The following DSP variants were observed in gnomAD, a reference collection of about 807,000 sequenced individuals.
DSP encodes 250/210 kDa paraneoplastic pemphigus antigen.
A neutral mutation model predicts 290.6 loss-of-function variants in DSP; 114 were observed. That is an observed-to-expected ratio of 0.39 (90% confidence interval 0.34 to 0.46). The LOEUF (loss-of-function observed/expected upper bound fraction) is 0.46, where lower values mean the gene tolerates loss of function less well. Ranked by LOEUF, DSP falls within the 20% of genes least tolerant of loss-of-function variation. The pLI is 0.99. For synonymous variants in DSP, 1,311 were observed against 1,316.4 expected, an observed-to-expected ratio of 1.00 and a Z score of 0.09; for missense variants, 3,230 against 3,495.8, an observed-to-expected ratio of 0.92 and a Z score of 1.92.
intron 20 of DSP, 65 bp from the exon 21 acceptor site, chr6:7,577,714 G>A: frequency 7.9e-7 from 1 of 1,260,364 alleles, no homozygotes; most frequent in Non-Finnish European, 1.2e-6. Context: ...CTGTGGAACT[G>A]TAGCTGTTAG....
intron 1 of DSP, among the ~76,000 whole-genome samples, chr6:7,549,135 T>C (rs575592319): frequency 6.8e-6 from 1 of 147,438 alleles, no homozygotes; most frequent in South Asian, 2.2e-4. Flanking sequence ...CTGATGTATA[T>C]AGAGAGTGTT....
Position 7,579,256 on chromosome 6 carries a change from C to G in DSP, c.3085-19C>G. On this transcript the variant is annotated intron_variant, in intron 22 of 23. Transcript: ENST00000379802. This position sits in a 1 kb window ranked among gnomAD's most constrained non-coding sequence, Gnocchi z 4.1. The stretch of plus-strand genomic sequence containing the variant: ...TGAGGTGTTTTTCTTTTGACATAAT[C>G]TCTGATTTCATTCCACAGCTGAAAA... 1 of 1,613,670 alleles carries G rather than the reference C, an allele frequency of 6.2e-7. No individual in the cohort carries two copies. The highest frequency in any genetic ancestry group is 8.5e-7 in the Non-Finnish European group (1 of 1,179,820).
rs769684450 is a variant in DSP, at chr6:7,565,460, G to A, written c.879G>A (p.Glu293=). ...GGATCAATGACTGCGAGGAGGAGGA[G>A]CTGCTGTACGACTGGAGCGACAAGA... ...IMWINDCEEE[E]LLYDWSDKNT... is the part of the protein sequence containing the mutation. Residue 293 remains glutamate, a synonymous_variant, in exon 7 of 24, where the codon GAG becomes GAA. Transcript: ENST00000379802. This position sits in a 1 kb window ranked among gnomAD's most constrained non-coding sequence, Gnocchi z 4.2. 1 of 1,614,130 alleles carries A rather than the reference G, an allele frequency of 6.2e-7. No homozygotes were observed. Among genetic ancestry groups the A allele is most frequent in the Admixed American group, 1.7e-5 (1 of 60,022 alleles).
At position 7,570,567 on chromosome 6, in the gene DSP, T is replaced by C. The variant is rs763996725; in HGVS notation, c.1701+4T>C. The C allele has an allele frequency of 6.2e-7, 1 of 1,612,688 alleles. No individual in the cohort carries two copies. The highest frequency in any genetic ancestry group is 1.1e-5 in the South Asian group (1 of 91,014). ...CAGGGCCATGACAATCGCCAAGGTA[T>C]GTCCTCAGGGCCACTTAGGCTGCCT... On this transcript the variant is annotated splice_donor_region_variant and intron_variant, in intron 13 of 23. Coordinates refer to ENST00000379802, the MANE Select transcript of DSP (RefSeq NM_004415.4).
At chr6:7,552,807 C>T (rs919284618) in intron 1 of DSP, among the ~76,000 whole-genome samples, 3 of 152,028 alleles carry the variant, frequency 2.0e-5, no homozygotes, top group African/African-American at 7.2e-5. Flanking sequence ...AGAGCAAACC[C>T]ACCAATGTTT....
intron 18 of DSP, 59 bp from the exon 19 acceptor site, chr6:7,576,235 A>G (rs1426408978): frequency 1.5e-5 from 24 of 1,573,518 alleles, no homozygotes; most frequent in African/African-American, 2.7e-5. Context: ...GGGTGATTCT[A>G]TGTTACATAT....
In DSP at chr6:7,571,490, T is replaced by C. The variant is rs1358103461; in HGVS notation, c.1809T>C (p.Asp603=). The change falls in exon 14 of 24, where the codon GAT becomes GAC. Residue 603 remains aspartate, a synonymous_variant. Coordinates refer to ENST00000379802, the MANE Select transcript of DSP (RefSeq NM_004415.4). ...NSQGSEMFGD[D]DKRKIQSQFT... ...AAGGCTCAGAGATGTTTGGAGATGA[T>C]GACAAGCGGAAAATACAGTCTCAGT... is the stretch of plus-strand genomic sequence containing the variant. 2 of 1,614,104 alleles carry C rather than the reference T, an allele frequency of 1.2e-6. No individual in the cohort carries two copies. Among genetic ancestry groups the C allele is most frequent in the Non-Finnish European group, 1.7e-6 (2 of 1,180,050 alleles).
chr6:7,576,410 A>T lies in DSP; in HGVS notation c.2747A>T (p.Lys916Ile). ...KRRQDSLESM[K>I]FGDSNTVMRF... ...CGCCAGGATTCCTTAGAATCCATGA[A>T]ATTTGGAGATTCCAACACAGTCATG... The change falls in exon 19 of 24, where the codon AAA becomes ATA. Residue 916 changes from lysine (K) to isoleucine (I), a missense_variant. Physicochemically the swap from Lys to Ile is moderately radical, Grantham distance 102. Transcript: ENST00000379802. The T allele has an allele frequency of 6.2e-7, 1 of 1,614,162 alleles. No homozygotes were observed. The highest frequency in any genetic ancestry group is 8.5e-7 in the Non-Finnish European group (1 of 1,180,004).
At chr6:7,581,979 CT>C (rs1036992625) in intron 23 of DSP, among the ~76,000 whole-genome samples, 11 of 151,984 alleles carry the variant, frequency 7.2e-5, no homozygotes, top group Non-Finnish European at 1.6e-4. Context: ...AACACTTTTT[CT>C]TTTGCCTGCT....
At position 7,562,709 on chromosome 6, in the gene DSP, A is replaced by T. The variant is rs1413908668; in HGVS notation, c.655A>T (p.Asn219Tyr). ...VDLASVEQHI[N>Y]SHRGIHNSIG... The stretch of plus-strand genomic sequence containing the variant: ...CCTGGCCTCAGTGGAGCAGCACATT[A>T]ACAGCCACCGGGGCATCCACAACTC... The change falls in exon 5 of 24, where the codon AAC becomes TAC. Residue 219 changes from asparagine (N) to tyrosine (Y), a missense_variant. Coordinates refer to ENST00000379802, the MANE Select transcript of DSP (RefSeq NM_004415.4). 2 of 1,614,058 alleles carry T rather than the reference A, an allele frequency of 1.2e-6. No individual in the cohort carries two copies. Among genetic ancestry groups the T allele is most frequent in the South Asian group, 2.2e-5 (2 of 91,086 alleles).
intron 13 of DSP, 62 bp from the exon 14 acceptor site, chr6:7,571,321 C>A: frequency 2.5e-6 from 4 of 1,601,120 alleles, no homozygotes; most frequent in Non-Finnish European, 2.6e-6. Flanking sequence ...TTGGCCAACT[C>A]TTCTTGATTG....
chr6:7,554,082 A>AACACACACACACACACACACAC (rs10658102), intron 1 of DSP, among the ~76,000 whole-genome samples: 2,330 of 115,822 alleles, frequency 0.02, 73 homozygotes, highest in East Asian at 0.028. Context: ...CTTTCTTTAA[A>AACACACACACACACACACACAC]ACACACACAC....
chr6:7,559,455 T>A, intron 4 of DSP, 55 bp downstream of exon 4: 1 of 1,606,728 alleles, frequency 6.2e-7, no homozygotes, highest in South Asian at 1.1e-5. Context: ...TCCAGCACGA[T>A]GGGGTCAGCC....
In DSP at chr6:7,565,700, C is replaced by T. The variant is rs1209868615; in HGVS notation, c.939+180C>T. On this transcript the variant is annotated intron_variant, in intron 7 of 23. Coordinates refer to ENST00000379802, the MANE Select transcript of DSP (RefSeq NM_004415.4). This position sits in a 1 kb window ranked among gnomAD's most constrained non-coding sequence, Gnocchi z 4.2. ...AACTTCTCCGTGTGGAGGCCATTAT[C>T]CTTAGCAAACTTATGCGGGAACAGA... 5.4e-6 allele frequency: 4 copies of T among 744,138 alleles called. No individual in the cohort carries two copies. Among genetic ancestry groups the T allele is most frequent in the African/African-American group, 3.5e-5 (2 of 56,664 alleles). 46.1% of individuals were successfully genotyped at this position (744,138 alleles called of 1,614,324 possible).
Position 7,585,937 on chromosome 6 carries a change from T to C in DSP, c.*59T>C. The C allele has an allele frequency of 6.5e-7, 1 of 1,536,622 alleles. No homozygotes were observed. Among genetic ancestry groups the C allele is most frequent in the South Asian group, 1.1e-5 (1 of 88,344 alleles). On this transcript the variant is annotated 3_prime_UTR_variant, in exon 24 of 24. Transcript: ENST00000379802. Reference sequence around the variant, plus strand: ...TCATTTATATGAATTTCCACTTTATTAAATAATAGAAAAGAAAATCCCGGT... The same window carrying C: ...TCATTTATATGAATTTCCACTTTATCAAATAATAGAAAAGAAAATCCCGGT...
chr6:7,558,353 C>T, intron 3 of DSP, 89 bp downstream of exon 3: 1 of 1,530,830 alleles, frequency 6.5e-7, no homozygotes, highest in Non-Finnish European at 8.9e-7. Context: ...CCAGGGCTTC[C>T]TTTGAAGGCA....
rs762561997 is a variant in DSP, at chr6:7,581,225, C to T, written c.5035C>T (p.His1679Tyr). Residue 1679 changes from histidine to tyrosine, a missense_variant, in exon 23 of 24, where the codon CAC (histidine) becomes TAC (tyrosine). His to Tyr is a moderately conservative substitution (Grantham distance 83). Around this residue, in one of 5 missense-constraint regions of DSP, gnomAD observed 1,714 missense variants for 1,844.5 expected, o/e 0.93. Transcript: ENST00000379802. ...GGAACAGGAAAGTGTCAAACAAGCTCACTTGAGGAATGAGCATTTCCAGAA... is the reference window on the plus strand; with the variant it reads ...GGAACAGGAAAGTGTCAAACAAGCTTACTTGAGGAATGAGCATTTCCAGAA... ...LQEQESVKQAHLRNEHFQKAI... is the reference protein window; with the variant it reads ...LQEQESVKQAYLRNEHFQKAI... The T allele has an allele frequency of 2.8e-5, 45 of 1,614,004 alleles. 1 individual carries two copies. The highest frequency in any genetic ancestry group is 4.5e-5 in the East Asian group (2 of 44,902).
In DSP at chr6:7,567,393, C is replaced by T; in HGVS notation, c.1084C>T (p.Leu362Phe). 6.2e-7 allele frequency: 1 copy of T among 1,614,138 alleles called. No homozygotes were observed. Among genetic ancestry groups the T allele is most frequent in the Non-Finnish European group, 8.5e-7 (1 of 1,180,038 alleles). ...TCTGCAGACGCAGTGGAGTTGGATTCTTCAGATCACCAAGTGCATTGATGT... is the reference window on the plus strand; with the variant it reads ...TCTGCAGACGCAGTGGAGTTGGATTTTTCAGATCACCAAGTGCATTGATGT... ...DTLQTQWSWI[L>F]QITKCIDVHL... The change falls in exon 9 of 24, where the codon CTT becomes TTT. Residue 362 changes from leucine (L) to phenylalanine (F), a missense_variant. Leu to Phe is a conservative substitution (Grantham distance 22, BLOSUM62 0). Around this residue, in one of 5 missense-constraint regions of DSP, gnomAD observed 646 missense variants for 684.3 expected, o/e 0.94. Coordinates refer to ENST00000379802, the MANE Select transcript of DSP (RefSeq NM_004415.4).
At chr6:7,560,195 A>G (rs1222345937) in intron 4 of DSP, among the ~76,000 whole-genome samples, 3 of 152,190 alleles carry the variant, frequency 2.0e-5, no homozygotes, top group African/African-American at 4.8e-5. Context: ...AGTTGTGGAG[A>G]GATTGTTATG....
Sources: gnomAD v4.1 joint callset for allele counts (sites outside exome capture counted in the v4.1 genomes callset) on GRCh38, gnomAD v4.1.1 for gene constraint, gnomAD v4.1.1 regional missense constraint, Gnocchi (gnomAD v3.1) non-coding constraint, MANE v1.5 for transcripts, NCBI Gene and HGNC (gene_info 2026-07-23, HGNC 2026-07-21) for gene names.